NNT: variants seen among roughly 807,000 people sequenced by gnomAD.
The protein encoded by NNT is NAD(P) transhydrogenase, mitochondrial.
In NNT, 50 loss-of-function variants were observed where a neutral mutation model predicts 104.8. The ratio of observed to expected loss-of-function variants is 0.48; its 90% CI spans 0.38 to 0.60. NNT has a LOEUF of 0.60. NNT is among the 20% of genes least tolerant of loss of function. The pLI is 0.00. For missense variants in NNT, 1,131 were observed against 1,330.7 expected, an observed-to-expected ratio of 0.85 and a Z score of 2.33; for synonymous variants, 461 against 490.4, an observed-to-expected ratio of 0.94 and a Z score of 0.79.
At chr5:43,608,259 G>A (rs753167162) in intron 1 of NNT, among the ~76,000 whole-genome samples, 14 of 152,178 alleles carry the variant, frequency 9.2e-5, no homozygotes, top group Non-Finnish European at 1.8e-4. Flanking sequence ...AGAAGAGAAA[G>A]GTATGGAGGA....
Position 43,610,350 on chromosome 5 carries a change from C to T in NNT, c.151+1004C>T, listed in dbSNP as rs532667577. Among the ~76,000 whole-genome samples, 3 of 152,162 alleles carry T rather than the reference C, an allele frequency of 2.0e-5. No homozygotes were observed. In the East Asian group the frequency reaches 5.8e-4, roughly 29 times the overall value. ...GTCTTGCCCAAAGATCATCCCAGTA[C>T]TTCTGTCACTTCACCTCACTGTCCA... is the stretch of plus-strand genomic sequence containing the variant. On this transcript the variant is annotated intron_variant, in intron 2 of 21. Coordinates refer to ENST00000344920, the MANE Select transcript of NNT (RefSeq NM_182977.3).
At chr5:43,685,783 G>A (rs1462822112) in intron 19 of NNT, among the ~76,000 whole-genome samples, 1 of 152,062 alleles carries the variant, frequency 6.6e-6, no homozygotes, top group Non-Finnish European at 1.5e-5. Flanking sequence ...CAAGAAAACT[G>A]CTGCTGTGTA....
At chr5:43,609,447 G>C in intron 2 of NNT, 101 bp downstream of exon 2, 1 of 1,132,594 alleles carries the variant, frequency 8.8e-7, no homozygotes, top group East Asian at 2.5e-5. Context: ...TTTATGGCCT[G>C]GTGCTTGTGA....
At chr5:43,699,659 C>T (rs1453947153) in intron 19 of NNT, among the ~76,000 whole-genome samples, 1 of 152,092 alleles carries the variant, frequency 6.6e-6, no homozygotes, top group African/African-American at 2.4e-5. Context: ...CAGCCATCTC[C>T]CTACCTTTGA....
chr5:43,669,962 T>G (rs896828553), intron 17 of NNT, among the ~76,000 whole-genome samples: 4 of 152,254 alleles, frequency 2.6e-5, no homozygotes, highest in Admixed American at 6.5e-5. Context: ...TTTCAGAGCC[T>G]GTTATTGGTC....
rs1385846674 is a variant in NNT, at chr5:43,686,641, TTAAG to T, written c.2876+8837_2876+8840del. 7.2e-5 allele frequency among the ~76,000 whole-genome samples: 11 copies of T among 152,254 alleles called. No homozygotes were observed. The South Asian group carries it at 1.2e-3, about 17-fold the overall frequency. On this transcript the variant is annotated intron_variant, in intron 19 of 21. Coordinates refer to ENST00000344920, the MANE Select transcript of NNT (RefSeq NM_182977.3). ...ATGTGAAAATGTATGCTTCTTTGTA[TTAAG>T]TGATTATTAAAAATATGCATTTATT...
chr5:43,648,354 C>A (rs1739563110), intron 10 of NNT: 1 of 448,348 alleles, frequency 2.2e-6, no homozygotes, highest in Non-Finnish European at 3.0e-6. Flanking sequence ...CTGTCATTTT[C>A]TTTTTACTGA....
Position 43,650,596 on chromosome 5 carries a change from T to A in NNT, c.1717+9T>A, listed in dbSNP as rs1330586507. The A allele has an allele frequency of 2.5e-6, 4 of 1,587,038 alleles. No homozygotes were observed. The highest frequency in any genetic ancestry group is 3.5e-6 in the Non-Finnish European group (4 of 1,155,340). On this transcript the variant is annotated intron_variant, in intron 12 of 21. Transcript: ENST00000344920. The stretch of plus-strand genomic sequence containing the variant: ...CTCTGTCAACATTGCAGGTATGATG[T>A]CAGTGAAAGGTCTCAGTACTATTTT...
chr5:43,647,832 T>C (rs1216564467), intron 10 of NNT: 1 of 450,584 alleles, frequency 2.2e-6, no homozygotes, highest in Non-Finnish European at 4.5e-6. Context: ...ATTTAGTGAC[T>C]CCTAGGCATT....
At position 43,675,609 on chromosome 5, in the gene NNT, A is replaced by G. The variant is rs766336182; in HGVS notation, c.2733A>G (p.Glu911=). The G allele has an allele frequency of 1.2e-6, 2 of 1,613,170 alleles. No individual in the cohort carries two copies. Among genetic ancestry groups the G allele is most frequent in the Admixed American group, 3.3e-5 (2 of 59,744 alleles). Reference sequence around the variant, plus strand: ...TGGAAATTTCTGGCACACATACGGAAATCAACCTTGACAATGCAATTGACA... The same window carrying G: ...TGGAAATTTCTGGCACACATACGGAGATCAACCTTGACAATGCAATTGACA... ...KPMEISGTHT[E]INLDNAIDMI... The change falls in exon 18 of 22, where the codon GAA becomes GAG. Residue 911 remains glutamate, a synonymous_variant. Coordinates refer to ENST00000344920, the MANE Select transcript of NNT (RefSeq NM_182977.3).
intron 5 of NNT, among the ~76,000 whole-genome samples, chr5:43,621,242 G>A (rs1340735159): frequency 1.3e-5 from 2 of 152,162 alleles, no homozygotes; most frequent in Non-Finnish European, 2.9e-5. Context: ...AAAACATTAT[G>A]TGATTTTTGT....
At position 43,649,206 on chromosome 5, in the gene NNT, G is replaced by T; in HGVS notation, c.1504G>T (p.Val502Leu). The change falls in exon 11 of 22, where the codon GTG becomes TTG. Residue 502 changes from valine (V) to leucine (L), a missense_variant. Transcript: ENST00000344920. ...AAPNLAFSQM[V>L]TTFGLAGIVG... is the part of the protein sequence containing the mutation. ...TCCCAATCTAGCCTTTTCTCAGATG[G>T]TGACCACTTTTGGCTTGGCTGGCAT... 2 of 1,614,176 alleles carry T rather than the reference G, an allele frequency of 1.2e-6. No homozygotes were observed. Among genetic ancestry groups the T allele is most frequent in the Non-Finnish European group, 1.7e-6 (2 of 1,180,034 alleles).
chr5:43,660,839 A>T (rs1295166276), intron 17 of NNT, among the ~76,000 whole-genome samples: 1 of 152,208 alleles, frequency 6.6e-6, no homozygotes, highest in Non-Finnish European at 1.5e-5. Context: ...ACCTTCCACC[A>T]GGTCCCCCCG....
In NNT at chr5:43,609,272, T is replaced by C. The variant is rs771613756; in HGVS notation, c.77T>C (p.Leu26Pro). ...AGCAATTTGGGGTCCTGTAAGGGTC[T>C]ACGTGTGAAGAAGGATTTTTTACGA... ...LLSNLGSCKGLRVKKDFLRTF... is the reference protein window; with the variant it reads ...LLSNLGSCKGPRVKKDFLRTF... The change falls in exon 2 of 22, where the codon CTA (leucine) becomes CCA (proline). Residue 26 changes from leucine (L) to proline (P), a missense_variant. Transcript: ENST00000344920. The C allele has an allele frequency of 3.7e-6, 6 of 1,614,080 alleles. No individual in the cohort carries two copies. The South Asian group carries it at 6.6e-5, about 18-fold the overall frequency.
intron 3 of NNT, 102 bp from the exon 4 acceptor site, chr5:43,615,746 A>G: frequency 1.2e-6 from 1 of 850,088 alleles, no homozygotes; most frequent in Non-Finnish European, 1.8e-6. Context: ...TTATTTCTGG[A>G]GTATTATTTC....
At chr5:43,684,417 G>A (rs899053133) in intron 19 of NNT, among the ~76,000 whole-genome samples, 2 of 151,948 alleles carry the variant, frequency 1.3e-5, no homozygotes, top group African/African-American at 2.4e-5. Flanking sequence ...TCATCAGAAC[G>A]GCTGCTTCTA....
intron 21 of NNT, 100 bp from the exon 22 acceptor site, chr5:43,704,155 C>A: frequency 1.0e-6 from 1 of 987,758 alleles, no homozygotes; most frequent in Non-Finnish European, 1.5e-6. Context: ...AGTAGTGGTA[C>A]ATGCCTTGTT....
At chr5:43,682,208 CTTTTTTTT>C (rs71610326) in intron 19 of NNT, among the ~76,000 whole-genome samples, 6 of 100,248 alleles carry the variant, frequency 6.0e-5, no homozygotes, top group South Asian at 3.4e-4. Flanking sequence ...TAACTGGATT[CTTTTTTTT>C]TTTTTTTTTT....
At position 43,619,151 on chromosome 5, in the gene NNT, A is replaced by G. The variant is rs1342771567; in HGVS notation, c.687+32A>G. 7.7e-6 allele frequency: 10 copies of G among 1,306,382 alleles called. No individual in the cohort carries two copies. The African/African-American group carries it at 1.2e-4, about 16-fold the overall frequency. 80.9% of individuals were successfully genotyped at this position (1,306,382 alleles called of 1,614,324 possible). A position where few individuals can be genotyped will look rare whatever the true frequency, so the allele number is the denominator to read the frequency against. ...ACAACTTTTAATGTTTCTTTATAAT[A>G]TGCATTGATTAAAGGAAAGGGTATG... On this transcript the variant is annotated intron_variant, in intron 5 of 21. Coordinates refer to ENST00000344920, the MANE Select transcript of NNT (RefSeq NM_182977.3).
Sources: allele counts gnomAD v4.1 joint callset (sites outside exome capture counted in the v4.1 genomes callset), GRCh38; gene constraint gnomAD v4.1.1; transcripts MANE v1.5; gene names NCBI Gene and HGNC (gene_info 2026-07-23, HGNC 2026-07-21).